ARHGAP24: variants seen among roughly 807,000 people sequenced by gnomAD.
The protein encoded by ARHGAP24 is Rho GTPase activating protein 24.
ARHGAP24 carries 50 observed loss-of-function variants against 76.4 expected under a neutral mutation model. The observed-to-expected ratio is 0.65, with a 90% CI of 0.52 to 0.83. The LOEUF (loss-of-function observed/expected upper bound fraction) is 0.83, where lower values mean the gene tolerates loss of function less well. Among genes scored for constraint, ARHGAP24 ranks in the 40% least tolerant of loss-of-function variants. The pLI is 0.00. For synonymous variants in ARHGAP24, 345 were observed against 323.3 expected (o/e 1.07, Z -0.72); for missense variants, 930 against 914.2 (o/e 1.02, Z -0.22).
chr4:85,967,434 A>T (rs1214614548), intron 5 of ARHGAP24, among the ~76,000 whole-genome samples: 1 of 152,162 alleles, frequency 6.6e-6, no homozygotes, highest in Non-Finnish European at 1.5e-5. Context: ...AAGTAGACCT[A>T]TCAGAATATA....
intron 8 of ARHGAP24, chr4:85,991,162 T>C (rs998932986): frequency 1.3e-5 from 2 of 152,076 alleles, no homozygotes; most frequent in African/African-American, 2.4e-5. Context: ...TCTTTAGTCA[T>C]TAGAAAAACT....
intron 3 of ARHGAP24, among the ~76,000 whole-genome samples, chr4:85,763,977 A>G (rs1560621510): frequency 1.3e-5 from 2 of 152,190 alleles, no homozygotes; most frequent in African/African-American, 4.8e-5. Context: ...TTTAATATCA[A>G]TGTACATATC....
At chr4:86,000,453 C>T (rs1004544563) in intron 9 of ARHGAP24, 26 bp from the exon 10 acceptor site, 1 of 625,890 alleles carries the variant, frequency 1.6e-6, no homozygotes, top group Non-Finnish European at 2.6e-6. Context: ...GTCCCCACCC[C>T]CCACCCCCCC....
intron 3 of ARHGAP24, among the ~76,000 whole-genome samples, chr4:85,809,209 T>C (rs1050500317): frequency 1.3e-5 from 2 of 152,206 alleles, no homozygotes. Context: ...TTGACATATA[T>C]CTAGCCACCA....
At chr4:85,879,027 T>A (rs559564054) in intron 3 of ARHGAP24, among the ~76,000 whole-genome samples, 8 of 152,340 alleles carry the variant, frequency 5.3e-5, no homozygotes, top group African/African-American at 1.9e-4. Flanking sequence ...TGTGGAAATG[T>A]TACAAACGAT....
At chr4:85,657,183 T>C (rs1289441922) in intron 2 of ARHGAP24, among the ~76,000 whole-genome samples, 4 of 152,202 alleles carry the variant, frequency 2.6e-5, no homozygotes, top group Non-Finnish European at 4.4e-5. Flanking sequence ...TTCTGGGCTA[T>C]AAATTTCTTC....
intron 3 of ARHGAP24, among the ~76,000 whole-genome samples, chr4:85,890,646 G>T (rs139496090): frequency 6.6e-6 from 1 of 152,262 alleles, no homozygotes; most frequent in East Asian, 1.9e-4. Context: ...TCACGTTCAG[G>T]TAGTGGCAGC....
At chr4:85,740,373 C>G (rs1257908946) in intron 3 of ARHGAP24, among the ~76,000 whole-genome samples, 2 of 151,948 alleles carry the variant, frequency 1.3e-5, no homozygotes, top group Non-Finnish European at 2.9e-5. Context: ...TAGGTGCCCA[C>G]CTCCATGCCC....
chr4:85,811,284 A>G (rs745936884), intron 3 of ARHGAP24, among the ~76,000 whole-genome samples: 1 of 152,230 alleles, frequency 6.6e-6, no homozygotes, highest in Non-Finnish European at 1.5e-5. Context: ...TTTTAAATAC[A>G]AAGATTAAAA....
At chr4:85,962,080 T>G (rs1738292720) in intron 5 of ARHGAP24, among the ~76,000 whole-genome samples, 1 of 152,084 alleles carries the variant, frequency 6.6e-6, no homozygotes, top group Non-Finnish European at 1.5e-5. Context: ...TGCCAAAACT[T>G]TTAAGACCAT....
intron 1 of ARHGAP24, 110 bp from the exon 2 acceptor site, chr4:85,570,386 CTTTCTTTCTTTCTTTCTTTCTTTCTT>C: frequency 3.0e-5 from 1 of 33,880 alleles, no homozygotes; most frequent in South Asian, 4.5e-4. Flanking sequence ...TTCTTTCTTT[CTTTCTTTCTTTCTTTCTTTCTTTCTT>C]TCTTTCCTCT....
intron 5 of ARHGAP24, among the ~76,000 whole-genome samples, chr4:85,948,518 T>G (rs1737415949): frequency 6.6e-6 from 1 of 152,204 alleles, no homozygotes; most frequent in Non-Finnish European, 1.5e-5. Flanking sequence ...TTATATATTT[T>G]AGGATACCTG....
In ARHGAP24 at chr4:85,657,348, C is replaced by A. The variant is rs183732645; in HGVS notation, c.181-64537C>A. On this transcript the variant is annotated intron_variant, in intron 2 of 9. Coordinates refer to ENST00000395184, the MANE Select transcript of ARHGAP24 (RefSeq NM_001025616.3). The stretch of plus-strand genomic sequence containing the variant: ...TCTGAATGGTCTACTTTGTTCTTCC[C>A]TTTTAGTTTCATAACTAAAGTTTGA... 7.2e-5 allele frequency among the ~76,000 whole-genome samples: 11 copies of A among 151,998 alleles called. No homozygotes were observed. The East Asian group carries it at 2.1e-3, about 29-fold the overall frequency.
chr4:85,932,080 C>T (rs1313769875), intron 4 of ARHGAP24, among the ~76,000 whole-genome samples: 3 of 152,064 alleles, frequency 2.0e-5, no homozygotes, highest in African/African-American at 2.4e-5. Context: ...CTTTCCTTTG[C>T]GTAGCTAAGA....
chr4:85,881,685 A>T (rs965770299), intron 3 of ARHGAP24, among the ~76,000 whole-genome samples: 1 of 152,096 alleles, frequency 6.6e-6, no homozygotes, highest in Non-Finnish European at 1.5e-5. Flanking sequence ...GCACGCTGAG[A>T]TTCTCTGCAC....
intron 4 of ARHGAP24, among the ~76,000 whole-genome samples, chr4:85,925,630 T>A (rs1264954796): frequency 6.6e-6 from 1 of 152,236 alleles, no homozygotes; most frequent in Non-Finnish European, 1.5e-5. Flanking sequence ...AGAATATTGT[T>A]ATTGTTGTTA....
chr4:85,958,355 A>G (rs999907081), intron 5 of ARHGAP24, among the ~76,000 whole-genome samples: 1 of 152,196 alleles, frequency 6.6e-6, no homozygotes, highest in Admixed American at 6.5e-5. Flanking sequence ...TTTTATTGTC[A>G]TTGTGAGTAT....
intron 3 of ARHGAP24, among the ~76,000 whole-genome samples, chr4:85,868,152 G>A (rs1732312969): frequency 6.6e-6 from 1 of 151,988 alleles, no homozygotes; most frequent in South Asian, 2.1e-4. Context: ...TCTGGAAGCA[G>A]GAGTTTCCAG....
At chr4:85,835,592 G>GA (rs1417217022) in intron 3 of ARHGAP24, among the ~76,000 whole-genome samples, 4 of 150,846 alleles carry the variant, frequency 2.7e-5, no homozygotes, top group Non-Finnish European at 4.4e-5. Context: ...TTTCATTGTA[G>GA]AAAAATGGTT....
Sources: allele counts gnomAD v4.1 joint callset (sites outside exome capture counted in the v4.1 genomes callset), GRCh38; gene constraint gnomAD v4.1.1; transcripts MANE v1.5; gene names NCBI Gene and HGNC (gene_info 2026-07-23, HGNC 2026-07-21).